NAV2: variants seen among roughly 807,000 people sequenced by gnomAD.
NAV2 encodes neuron navigator 2, also known as helicase, APC down-regulated 1.
In NAV2, 54 loss-of-function variants were observed where a neutral mutation model predicts 223.2. The observed-to-expected ratio is 0.24, with a 90% CI of 0.19 to 0.30. NAV2 has a LOEUF of 0.30. NAV2 is among the 10% of genes least tolerant of loss of function. The pLI, the probability that NAV2 is intolerant of heterozygous loss-of-function variation, is 1.00. For synonymous variants in NAV2, 1,279 were observed against 1,239.3 expected (o/e 1.03, Z -0.67); for missense variants, 2,806 against 3,147.5 (o/e 0.89, Z 2.60).
At chr11:20,017,837 C>T (rs559701690) in intron 11 of NAV2, among the ~76,000 whole-genome samples, 84 of 152,326 alleles carry the variant, frequency 5.5e-4, no homozygotes, top group African/African-American at 2.0e-3. Flanking sequence ...TAAAATTCCA[C>T]ACCAGGCAAT....
At chr11:20,083,505 C>T (rs188875174) in intron 26 of NAV2, among the ~76,000 whole-genome samples, 40 of 152,168 alleles carry the variant, frequency 2.6e-4, no homozygotes, top group African/African-American at 8.9e-4. Context: ...AAGAATTGGA[C>T]GAGATAAATG....
chr11:19,983,054 G>A (rs1200133593), intron 10 of NAV2, among the ~76,000 whole-genome samples: 1 of 152,176 alleles, frequency 6.6e-6, no homozygotes, highest in Admixed American at 6.5e-5. Context: ...CTTGCAGGGT[G>A]ATCTGATGGG....
intron 1 of NAV2, among the ~76,000 whole-genome samples, chr11:19,751,112 G>A (rs1016246028): frequency 1.3e-5 from 2 of 152,132 alleles, no homozygotes; most frequent in Non-Finnish European, 2.9e-5. Flanking sequence ...ATTGGCAAAT[G>A]CTACAAATCA....
intron 1 of NAV2, among the ~76,000 whole-genome samples, chr11:19,483,055 C>A (rs1242926103): frequency 6.6e-6 from 1 of 152,160 alleles, no homozygotes; most frequent in East Asian, 1.9e-4. Context: ...TTGAGCCAAG[C>A]TTGCCACTTG....
intron 1 of NAV2, among the ~76,000 whole-genome samples, chr11:19,794,275 G>A (rs932418983): frequency 7.2e-5 from 11 of 152,138 alleles, no homozygotes; most frequent in Admixed American, 1.3e-4. Flanking sequence ...AGCCAGCGAT[G>A]GTTCCTCCTC....
intron 1 of NAV2, among the ~76,000 whole-genome samples, chr11:19,413,514 C>T (rs902099759): frequency 7.2e-5 from 11 of 152,096 alleles, no homozygotes; most frequent in African/African-American, 2.7e-4. Context: ...GGATATTATC[C>T]AGAAGAACTT....
intron 34 of NAV2, chr11:20,105,329 T>G (rs1453108570): frequency 4.3e-6 from 2 of 466,914 alleles, no homozygotes; most frequent in Non-Finnish European, 3.8e-6. Flanking sequence ...GAGGTGGAGA[T>G]AATATCTATG....
intron 18 of NAV2, among the ~76,000 whole-genome samples, chr11:20,054,597 T>C (rs2058248275): frequency 6.6e-6 from 1 of 152,242 alleles, no homozygotes; most frequent in Non-Finnish European, 1.5e-5. Context: ...AAAGAACATG[T>C]TATCCCATTC....
At chr11:19,730,059 A>G (rs551212264) in intron 1 of NAV2, among the ~76,000 whole-genome samples, 1 of 152,362 alleles carries the variant, frequency 6.6e-6, no homozygotes, top group African/African-American at 2.4e-5. Context: ...ACAGCTTTAC[A>G]CAGCCAGGAT....
rs3214722 is a variant in NAV2, at chr11:19,785,647, C to CTTTTTTTTT, written c.268-46833_268-46825dup. On this transcript the variant is annotated intron_variant, in intron 1 of 37. Coordinates refer to ENST00000349880, the MANE Select transcript of NAV2 (RefSeq NM_145117.5). ...AAGATGAGTTTATTGCGTCAGCTGG[C>CTTTTTTTTT]TTTTTTTTTTTTAAAGCACTAATTG... 3.2e-3 allele frequency among the ~76,000 whole-genome samples: 450 copies of CTTTTTTTTT among 141,848 alleles called. 3 individuals are homozygous for CTTTTTTTTT. The highest frequency in any genetic ancestry group is 0.01 in the African/African-American group (397 of 38,426). The allele number at this position is 141,848 out of a possible 152,430, so 93.1% of individuals were successfully genotyped here.
At chr11:19,860,072 G>C (rs1311648618) in intron 3 of NAV2, among the ~76,000 whole-genome samples, 3 of 126,888 alleles carry the variant, frequency 2.4e-5, no homozygotes, top group Non-Finnish European at 5.1e-5. Flanking sequence ...CCTGGACGGG[G>C]CGGCTGGCCG....
intron 1 of NAV2, among the ~76,000 whole-genome samples, chr11:19,585,387 T>A (rs915783920): frequency 6.6e-6 from 1 of 152,196 alleles, no homozygotes; most frequent in Non-Finnish European, 1.5e-5. Flanking sequence ...ACATTTAAGT[T>A]AATATTGTTG....
rs1027115662 is a variant in NAV2 at position 19,596,125 on chromosome 11, C to T, written c.76-236359C>T. Among the ~76,000 whole-genome samples, 5 of 152,188 alleles carry T rather than the reference C, an allele frequency of 3.3e-5. No homozygotes were observed. In the South Asian group the frequency reaches 1.0e-3, roughly 32 times the overall value. On this transcript the variant is annotated intron_variant, in intron 1 of 37. Transcript: ENST00000360655. ...ACCCACGGTTTTGGAAAAGACAGTG[C>T]TCTAAAATTCTATTTTATAGGACAA...
intron 26 of NAV2, among the ~76,000 whole-genome samples, chr11:20,084,569 G>A (rs1412166665): frequency 2.0e-5 from 3 of 152,190 alleles, no homozygotes. Flanking sequence ...AATTGAATGG[G>A]GGAAGGAAGA....
chr11:19,777,083 C>T (rs1322101605), intron 1 of NAV2, among the ~76,000 whole-genome samples: 2 of 144,088 alleles, frequency 1.4e-5, no homozygotes, highest in Non-Finnish European at 3.0e-5. Context: ...GGGGAACTCA[C>T]CAGCCGCCGA....
chr11:19,648,884 A>G (rs1399720899), intron 1 of NAV2, among the ~76,000 whole-genome samples: 1 of 152,214 alleles, frequency 6.6e-6, no homozygotes, highest in Non-Finnish European at 1.5e-5. Flanking sequence ...CCTAGAAACA[A>G]TTAATGTTAA....
chr11:19,617,419 A>G (rs1353842403), intron 1 of NAV2, among the ~76,000 whole-genome samples: 1 of 152,146 alleles, frequency 6.6e-6, no homozygotes, highest in Non-Finnish European at 1.5e-5. Flanking sequence ...TATATCAGCT[A>G]TTAACTGTCT....
At chr11:19,620,903 T>C (rs1178299770) in intron 1 of NAV2, among the ~76,000 whole-genome samples, 1 of 152,228 alleles carries the variant, frequency 6.6e-6, no homozygotes, top group Non-Finnish European at 1.5e-5. Flanking sequence ...GGGTTTGTCA[T>C]AAATAGCTCT....
chr11:19,404,931 A>T (rs528790262), intron 1 of NAV2, among the ~76,000 whole-genome samples: 1 of 152,118 alleles, frequency 6.6e-6, no homozygotes, highest in Non-Finnish European at 1.5e-5. Context: ...CCCACTGCCA[A>T]GTGGCTGGTT....
Sources: allele counts gnomAD v4.1 joint callset (sites outside exome capture counted in the v4.1 genomes callset), GRCh38; gene constraint gnomAD v4.1.1; transcripts MANE v1.5; gene names NCBI Gene and HGNC (gene_info 2026-07-23, HGNC 2026-07-21).